MMP16: variants seen among roughly 807,000 people sequenced by gnomAD.
MMP16 encodes the protein matrix metallopeptidase 16.
A neutral mutation model predicts 67.8 loss-of-function variants in MMP16; 12 were observed. The ratio of observed to expected loss-of-function variants is 0.18; its 90% CI spans 0.11 to 0.29. The LOEUF is 0.29. Ranked by LOEUF, MMP16 falls within the 10% of genes least tolerant of loss-of-function variation. MMP16 has a pLI of 1.00. For missense variants in MMP16, 475 were observed against 765.7 expected (o/e 0.62, Z 4.48); for synonymous variants, 249 against 255.9 (o/e 0.97, Z 0.26).
At chr8:88,267,475 CACA>C (rs986546316) in intron 1 of MMP16, among the ~76,000 whole-genome samples, 5 of 152,236 alleles carry the variant, frequency 3.3e-5, no homozygotes, top group African/African-American at 1.2e-4. Flanking sequence ...CCTGCCTCCT[CACA>C]GCAGACTGTG....
chr8:88,063,982 T>C (rs1309204756), intron 7 of MMP16, among the ~76,000 whole-genome samples: 2 of 152,138 alleles, frequency 1.3e-5, no homozygotes, highest in Non-Finnish European at 2.9e-5. Context: ...TATTTTTGTC[T>C]CCTCAAAACT....
At chr8:88,111,707 A>G (rs1809340402) in intron 6 of MMP16, among the ~76,000 whole-genome samples, 1 of 151,714 alleles carries the variant, frequency 6.6e-6, no homozygotes. Context: ...TTGACAACAG[A>G]CTGAAAGGAG....
At chr8:88,147,764 A>G (rs1457426382) in intron 4 of MMP16, among the ~76,000 whole-genome samples, 1 of 144,648 alleles carries the variant, frequency 6.9e-6, no homozygotes, top group African/African-American at 2.5e-5. Flanking sequence ...AGTAGTTACT[A>G]TAAAATATGT....
chr8:88,191,994 T>C (rs1365463257), intron 2 of MMP16, among the ~76,000 whole-genome samples: 1 of 152,228 alleles, frequency 6.6e-6, no homozygotes, highest in Admixed American at 6.5e-5. Flanking sequence ...CAACTCATGC[T>C]CTAAGACAAT....
At chr8:88,073,054 A>G (rs1165130156) in intron 7 of MMP16, among the ~76,000 whole-genome samples, 1 of 152,188 alleles carries the variant, frequency 6.6e-6, no homozygotes, top group Non-Finnish European at 1.5e-5. Flanking sequence ...GTCAGAGAGC[A>G]CTACTGGTCC....
chr8:88,236,890 T>G lies in MMP16; in HGVS notation c.133-39584A>C, dbSNP rs184739035. On this transcript the variant is annotated intron_variant, in intron 1 of 9. Coordinates refer to ENST00000286614, the MANE Select transcript of MMP16 (RefSeq NM_005941.5). ...CTCATCAGCTACACCTTTCAAGATTTCTCATGCTACATAGCACTTAAGGCA... is the reference window on the plus strand; with the variant it reads ...CTCATCAGCTACACCTTTCAAGATTGCTCATGCTACATAGCACTTAAGGCA... 4.9e-3 allele frequency among the ~76,000 whole-genome samples: 742 copies of G among 152,124 alleles called. 10 individuals carry two copies. The highest frequency in any genetic ancestry group is 0.017 in the African/African-American group (708 of 41,440).
At chr8:88,053,230 G>A (rs1808291605) in intron 8 of MMP16, among the ~76,000 whole-genome samples, 1 of 152,086 alleles carries the variant, frequency 6.6e-6, no homozygotes, top group South Asian at 2.1e-4. Flanking sequence ...TGTAATTGAG[G>A]GTATCTAGAT....
At chr8:88,223,285 T>C (rs997669154) in intron 1 of MMP16, among the ~76,000 whole-genome samples, 1 of 152,066 alleles carries the variant, frequency 6.6e-6, no homozygotes, top group Admixed American at 6.6e-5. Flanking sequence ...GACAGTGTGG[T>C]GATTCCTCAA....
Position 88,036,681 on chromosome 8 carries a change from G to A in MMP16, c.*4780C>T, listed in dbSNP as rs1406506707. 6.6e-6 allele frequency: 1 copy of A among 151,650 alleles called. No homozygotes were observed. Among genetic ancestry groups the A allele is most frequent in the East Asian group, 1.9e-4 (1 of 5,174 alleles). 9.4% of individuals were successfully genotyped at this position (151,650 alleles called of 1,614,324 possible). A position where few individuals can be genotyped will look rare whatever the true frequency, so the allele number is the denominator to read the frequency against. On this transcript the variant is annotated 3_prime_UTR_variant, in exon 10 of 10. Transcript: ENST00000286614. ...AATGATTAGATCCTCTTATATGATTGACTTGACACATTTTGTGATATTACA... is the reference window on the plus strand; with the variant it reads ...AATGATTAGATCCTCTTATATGATTAACTTGACACATTTTGTGATATTACA...
intron 3 of MMP16, among the ~76,000 whole-genome samples, chr8:88,172,046 C>T (rs1041117499): frequency 3.3e-5 from 5 of 152,054 alleles, no homozygotes; most frequent in African/African-American, 9.7e-5. Flanking sequence ...AGGCTGGTCT[C>T]GAACTCCTGA....
In MMP16 at chr8:88,084,604, CCAAA is replaced by C. The variant is rs1330040808; in HGVS notation, c.1084-9865_1084-9862del. 2.0e-5 allele frequency among the ~76,000 whole-genome samples: 3 copies of C among 152,024 alleles called. No homozygotes were observed. The East Asian group carries it at 5.8e-4, about 29-fold the overall frequency. On this transcript the variant is annotated intron_variant, in intron 6 of 9. Coordinates refer to ENST00000286614, the MANE Select transcript of MMP16 (RefSeq NM_005941.5). ...TCATGATACCTACAACTTTGTTTCGCCAAACACTTGCACATGTGTACTGCATTTG... is the reference window on the plus strand; with the variant it reads ...TCATGATACCTACAACTTTGTTTCGCCACTTGCACATGTGTACTGCATTTG...
chr8:88,216,368 C>A (rs1809594622), intron 1 of MMP16, among the ~76,000 whole-genome samples: 1 of 152,212 alleles, frequency 6.6e-6, no homozygotes, highest in Non-Finnish European at 1.5e-5. Context: ...TGCTTCAATA[C>A]CCTGAATATT....
At chr8:88,100,012 CA>C (rs1164216327) in intron 6 of MMP16, among the ~76,000 whole-genome samples, 14 of 151,934 alleles carry the variant, frequency 9.2e-5, no homozygotes, top group Middle Eastern at 3.4e-3. Flanking sequence ...GAGTAGATTG[CA>C]AAAATTTTCT....
At chr8:88,263,834 AGG>A (rs1290289635) in intron 1 of MMP16, among the ~76,000 whole-genome samples, 1 of 152,006 alleles carries the variant, frequency 6.6e-6, no homozygotes, top group Non-Finnish European at 1.5e-5. Flanking sequence ...CGAATTTTGT[AGG>A]GTCACAATTC....
rs573810558 is a variant in MMP16 at position 88,099,290 on chromosome 8, G to C, written c.1083+17217C>G. Reference sequence around the variant, plus strand: ...TGATTAAAATTTGTCATATTTTTCAGGTCCCATATCACTTCTGATAATTAT... The same window carrying C: ...TGATTAAAATTTGTCATATTTTTCACGTCCCATATCACTTCTGATAATTAT... On this transcript the variant is annotated intron_variant, in intron 6 of 9. Coordinates refer to ENST00000286614, the MANE Select transcript of MMP16 (RefSeq NM_005941.5). Among the ~76,000 whole-genome samples, 298 of 151,634 alleles carry C rather than the reference G, an allele frequency of 2.0e-3. 2 individuals carry two copies. The highest frequency in any genetic ancestry group is 6.8e-3 in the African/African-American group (283 of 41,456).
At chr8:88,251,270 G>A (rs1170304522) in intron 1 of MMP16, among the ~76,000 whole-genome samples, 1 of 151,858 alleles carries the variant, frequency 6.6e-6, no homozygotes, top group Admixed American at 6.6e-5. Flanking sequence ...AACCAAAACA[G>A]CATGGTACTG....
At chr8:88,293,629 T>A (rs529906752) in intron 1 of MMP16, among the ~76,000 whole-genome samples, 1 of 152,292 alleles carries the variant, frequency 6.6e-6, no homozygotes, top group South Asian at 2.1e-4. Context: ...ACTATATATA[T>A]TTAAAGCTAA....
intron 7 of MMP16, among the ~76,000 whole-genome samples, chr8:88,066,974 T>A (rs1482675075): frequency 6.6e-6 from 1 of 152,086 alleles, no homozygotes; most frequent in Non-Finnish European, 1.5e-5. Flanking sequence ...ATTTTTTTGG[T>A]AGTTATTTCC....
At chr8:88,198,310 T>C (rs1268425971) in intron 1 of MMP16, among the ~76,000 whole-genome samples, 2 of 152,118 alleles carry the variant, frequency 1.3e-5, no homozygotes, top group Non-Finnish European at 2.9e-5. Flanking sequence ...GGCTCTAAGA[T>C]TTCTTGGAGT....
Sources: allele counts gnomAD v4.1 joint callset (sites outside exome capture counted in the v4.1 genomes callset), GRCh38; gene constraint gnomAD v4.1.1; transcripts MANE v1.5; gene names NCBI Gene and HGNC (gene_info 2026-07-23, HGNC 2026-07-21).